The following STX16 variants were observed in gnomAD, a reference collection of about 807,000 sequenced individuals.
STX16 encodes the protein syntaxin 16.
Under a neutral mutation model 42.7 loss-of-function variants are expected in STX16, and 28 were observed. That is an observed-to-expected ratio of 0.66 (90% CI 0.49 to 0.90). The LOEUF (loss-of-function observed/expected upper bound fraction) is 0.90. STX16 is among the 40% of genes least tolerant of loss of function. The pLI, the probability that STX16 is intolerant of heterozygous loss-of-function variation, is 0.00. For missense variants in STX16, 361 were observed against 420.9 expected (o/e 0.86, Z 1.24); for synonymous variants, 156 against 155.2 (o/e 1.00, Z -0.04).
chr20:58,664,134 G>A (rs2083763398), intron 2 of STX16, among the ~76,000 whole-genome samples: 1 of 152,202 alleles, frequency 6.6e-6, no homozygotes, highest in African/African-American at 2.4e-5. Flanking sequence ...ACAATAAGAA[G>A]ACATGTTTTT....
At chr20:58,660,406 G>A (rs982675983) in intron 2 of STX16, among the ~76,000 whole-genome samples, 3 of 152,168 alleles carry the variant, frequency 2.0e-5, no homozygotes, top group African/African-American at 7.2e-5. Flanking sequence ...TTTTCATTTA[G>A]AAGTATGAAT....
At chr20:58,664,318 A>G (rs1480587081) in intron 2 of STX16, among the ~76,000 whole-genome samples, 1 of 152,272 alleles carries the variant, frequency 6.6e-6, no homozygotes, top group Non-Finnish European at 1.5e-5. Flanking sequence ...TACACATTAC[A>G]AATCCATACT....
rs1248162471 is a variant in STX16, at chr20:58,676,885, AGT to A, written c.*598_*599del. Reference sequence around the variant, plus strand: ...TCACTGTTAATGATCAGAGTAACAAAGTGTGAAAAATAAGAAACCATCATTGA... The same window carrying A: ...TCACTGTTAATGATCAGAGTAACAAAGTGAAAAATAAGAAACCATCATTGA... On this transcript the variant is annotated 3_prime_UTR_variant, in exon 9 of 9. Coordinates refer to ENST00000371141, the MANE Select transcript of STX16 (RefSeq NM_001001433.3). 6.6e-6 allele frequency: 1 copy of A among 152,666 alleles called. No homozygotes were observed. The highest frequency in any genetic ancestry group is 1.5e-5 in the Non-Finnish European group (1 of 68,042). The allele number at this position is 152,666 out of a possible 1,614,324, so 9.5% of individuals were successfully genotyped here.
intron 4 of STX16, 142 bp from the exon 5 acceptor site, chr20:58,669,149 A>AT (rs1183314807): frequency 1.2e-6 from 1 of 825,260 alleles, no homozygotes. Context: ...GAAGCCACAG[A>AT]TTCCTTTTAT....
rs767194903 is a variant in STX16 at position 58,679,380 on chromosome 20, TTAAA to T, written c.*3094_*3097del. 5 of 152,690 alleles carry T rather than the reference TTAAA, an allele frequency of 3.3e-5. No homozygotes were observed. The highest frequency in any genetic ancestry group is 5.9e-5 in the Non-Finnish European group (4 of 68,054). 9.5% of individuals were successfully genotyped at this position (152,690 alleles called of 1,614,324 possible). On this transcript the variant is annotated 3_prime_UTR_variant, in exon 9 of 9. Coordinates refer to ENST00000371141, the MANE Select transcript of STX16 (RefSeq NM_001001433.3). Reference sequence around the variant, plus strand: ...AGATAAAACTTTTTTTCTTGTATGCTTAAATAAAGCAATTAGTGAAGCACTTCTA... The same window carrying T: ...AGATAAAACTTTTTTTCTTGTATGCTTAAAGCAATTAGTGAAGCACTTCTA...
rs577582564 is a variant in STX16, at chr20:58,677,392, C to G, written c.*1101C>G. On this transcript the variant is annotated 3_prime_UTR_variant, in exon 9 of 9. Coordinates refer to ENST00000371141, the MANE Select transcript of STX16 (RefSeq NM_001001433.3). ...CACTGAGCAATGCCCAGGAAGCAGG[C>G]ACATTGCCAAGGACTGGGGGCATCT... 1 of 152,728 alleles carries G rather than the reference C, an allele frequency of 6.5e-6. No homozygotes were observed. The highest frequency in any genetic ancestry group is 2.4e-5 in the African/African-American group (1 of 41,580). 9.5% of individuals were successfully genotyped at this position (152,728 alleles called of 1,614,324 possible).
At chr20:58,668,173 TG>T in intron 4 of STX16, 46 bp downstream of exon 4, 1 of 1,608,064 alleles carries the variant, frequency 6.2e-7, no homozygotes, top group Non-Finnish European at 8.5e-7. Flanking sequence ...AGCCTTCTCA[TG>T]GCAATCTCAG....
intron 2 of STX16, among the ~76,000 whole-genome samples, chr20:58,666,134 A>G (rs1419768473): frequency 6.6e-6 from 1 of 152,224 alleles, no homozygotes; most frequent in African/African-American, 2.4e-5. Context: ...TGAATGAAAA[A>G]ATAAATTTAG....
rs1244712914 is a variant in STX16, at chr20:58,676,638, T to A, written c.*347T>A. On this transcript the variant is annotated 3_prime_UTR_variant, in exon 9 of 9. Coordinates refer to ENST00000371141, the MANE Select transcript of STX16 (RefSeq NM_001001433.3). ...AGCTGTTCAGTATTATATGTGTATA[T>A]GCTATTTTTTTAGCAGCCATGTCTG... 1 of 174,160 alleles carries A rather than the reference T, an allele frequency of 5.7e-6. No homozygotes were observed. The highest frequency in any genetic ancestry group is 1.2e-5 in the Non-Finnish European group (1 of 82,998). 10.8% of individuals were successfully genotyped at this position (174,160 alleles called of 1,614,324 possible).
Position 58,668,078 on chromosome 20 carries a change from G to A in STX16, c.344G>A (p.Ser115Asn). The change falls in exon 4 of 9, where the codon AGC (serine) becomes AAC (asparagine). Residue 115 changes from serine to asparagine, a missense_variant. Coordinates refer to ENST00000371141, the MANE Select transcript of STX16 (RefSeq NM_001001433.3). ...TTAAACAGACCCACCCTGGATGACAGCAGCGAAGAGGAACATGCCATTGAG... is the reference window on the plus strand; with the variant it reads ...TTAAACAGACCCACCCTGGATGACAACAGCGAAGAGGAACATGCCATTGAG... ...KHLNRPTLDD[S>N]SEEEHAIEIT... 1 of 1,614,276 alleles carries A rather than the reference G, an allele frequency of 6.2e-7. No individual in the cohort carries two copies. Among genetic ancestry groups the A allele is most frequent in the Non-Finnish European group, 8.5e-7 (1 of 1,180,048 alleles).
intron 6 of STX16, 40 bp downstream of exon 6, chr20:58,670,643 C>A: frequency 1.3e-6 from 2 of 1,535,166 alleles, no homozygotes; most frequent in Non-Finnish European, 1.8e-6. Flanking sequence ...TGTGTCTGTG[C>A]ACCCCATTCT....
chr20:58,659,710 T>A, intron 2 of STX16, 76 bp downstream of exon 2: 1 of 1,514,786 alleles, frequency 6.6e-7, no homozygotes, highest in South Asian at 1.2e-5. Flanking sequence ...AAGTCTTTGC[T>A]CATATATAAA....
At chr20:58,669,158 A>C in intron 4 of STX16, 133 bp from the exon 5 acceptor site, 1 of 900,026 alleles carries the variant, frequency 1.1e-6, no homozygotes, top group South Asian at 1.7e-5. Flanking sequence ...GATTCCTTTT[A>C]TCTGTTCACC....
chr20:58,656,883 C>A (rs891232778), intron 1 of STX16, among the ~76,000 whole-genome samples: 2 of 152,222 alleles, frequency 1.3e-5, no homozygotes, highest in African/African-American at 4.8e-5. Flanking sequence ...CTCATCTTCA[C>A]AGTGCTCTAT....
Position 58,675,079 on chromosome 20 carries a change from A to G in STX16, c.874-1108A>G, listed in dbSNP as rs73915923. Among the ~76,000 whole-genome samples, 613 of 152,190 alleles carry G rather than the reference A, an allele frequency of 4.0e-3. 6 individuals are homozygous for G. Among genetic ancestry groups the G allele is most frequent in the African/African-American group, 0.014 (572 of 41,502 alleles). ...GTGCTCCATCTTCCCTCCAGCCACA[A>G]GGCTGTAGGCAGCACGCGCGTGCTC... On this transcript the variant is annotated intron_variant, in intron 8 of 8. Transcript: ENST00000371141.
intron 1 of STX16, among the ~76,000 whole-genome samples, chr20:58,652,471 T>G (rs566464916): frequency 6.6e-5 from 10 of 150,536 alleles, no homozygotes; most frequent in Middle Eastern, 3.4e-3. Context: ...TGGGCCTTTC[T>G]GAAGCCTTTT....
intron 7 of STX16, among the ~76,000 whole-genome samples, chr20:58,672,841 T>G (rs1356910792): frequency 6.6e-6 from 1 of 152,184 alleles, no homozygotes; most frequent in African/African-American, 2.4e-5. Flanking sequence ...TTGTTCACCG[T>G]TAAAATCTGA....
chr20:58,667,753 T>C (rs1568823171), intron 3 of STX16, 156 bp downstream of exon 3: 3 of 839,906 alleles, frequency 3.6e-6, no homozygotes, highest in East Asian at 2.7e-5. Context: ...TGTGTGTTAA[T>C]GATTTTAGCT....
At chr20:58,652,371 A>ACCCCCCCCCCCCCCCCC (rs11481928) in intron 1 of STX16, 11 of 462,010 alleles carry the variant, frequency 2.4e-5, no homozygotes, top group African/African-American at 1.3e-4. Context: ...CTTCCGCAGC[A>ACCCCCCCCCCCCCCCCC]CCCCCCCCCC....
Sources: allele counts gnomAD v4.1 joint callset (sites outside exome capture counted in the v4.1 genomes callset), GRCh38; gene constraint gnomAD v4.1.1; transcripts MANE v1.5; gene names NCBI Gene and HGNC (gene_info 2026-07-23, HGNC 2026-07-21).